CDH12: variants seen among roughly 807,000 people sequenced by gnomAD.
CDH12 encodes the protein cadherin 12.
In CDH12, 41 loss-of-function variants were observed where a neutral mutation model predicts 74.1. That is an observed-to-expected ratio of 0.55 (90% confidence interval 0.43 to 0.72). The LOEUF is 0.72. Among genes scored for constraint, CDH12 ranks in the 30% least tolerant of loss-of-function variants. The pLI, the probability that CDH12 is intolerant of heterozygous loss-of-function variation, is 0.00. For synonymous variants in CDH12, 399 were observed against 355.0 expected, an observed-to-expected ratio of 1.12 and a Z score of -1.39; for missense variants, 945 against 977.2, an observed-to-expected ratio of 0.97 and a Z score of 0.44.
At chr5:22,065,799 C>A (rs967291765) in intron 5 of CDH12, among the ~76,000 whole-genome samples, 1 of 152,064 alleles carries the variant, frequency 6.6e-6, no homozygotes, top group Non-Finnish European at 1.5e-5. Flanking sequence ...CTTGTTGTAG[C>A]GATCAATGGC....
chr5:22,171,896 C>T (rs936595399), intron 4 of CDH12, among the ~76,000 whole-genome samples: 2 of 151,734 alleles, frequency 1.3e-5, no homozygotes, highest in African/African-American at 4.8e-5. Context: ...CAGGAAGATC[C>T]CCTAGGGAAA....
intron 1 of CDH12, among the ~76,000 whole-genome samples, chr5:22,623,231 C>T (rs983537871): frequency 1.7e-4 from 26 of 152,136 alleles, no homozygotes; most frequent in African/African-American, 5.8e-4. Flanking sequence ...TGGGCAAAAA[C>T]TGGAAGCATT....
chr5:21,975,817 T>C (rs1757050715), intron 5 of CDH12, among the ~76,000 whole-genome samples: 1 of 152,136 alleles, frequency 6.6e-6, no homozygotes, highest in African/African-American at 2.4e-5. Context: ...AGTTCTTCTG[T>C]ATCCCTTTGG....
intron 2 of CDH12, among the ~76,000 whole-genome samples, chr5:22,494,044 A>T (rs1746999893): frequency 6.6e-6 from 1 of 152,146 alleles, no homozygotes; most frequent in South Asian, 2.1e-4. Flanking sequence ...AAACCCCCAC[A>T]AATTGGGAGG....
At chr5:22,261,491 A>G (rs189935632) in intron 3 of CDH12, among the ~76,000 whole-genome samples, 1 of 152,168 alleles carries the variant, frequency 6.6e-6, no homozygotes, top group African/African-American at 2.4e-5. Context: ...CAGCATTTTC[A>G]TAATAAAAAC....
chr5:21,928,237 G>C (rs1295793864), intron 6 of CDH12, among the ~76,000 whole-genome samples: 2 of 151,876 alleles, frequency 1.3e-5, no homozygotes, highest in African/African-American at 4.8e-5. Flanking sequence ...CGGGCTTCAA[G>C]GTAAAGTTTC....
At chr5:21,975,755 CT>C (rs1446649527) in intron 5 of CDH12, among the ~76,000 whole-genome samples, 1 of 152,002 alleles carries the variant, frequency 6.6e-6, no homozygotes, top group Non-Finnish European at 1.5e-5. Context: ...AAAGTACAAC[CT>C]CAGATATAGC....
At chr5:21,848,686 G>C (rs1208147403) in intron 7 of CDH12, among the ~76,000 whole-genome samples, 3 of 151,888 alleles carry the variant, frequency 2.0e-5, no homozygotes, top group Non-Finnish European at 4.4e-5. Flanking sequence ...TCTTCAGTAA[G>C]AAATTTAGGG....
intron 6 of CDH12, among the ~76,000 whole-genome samples, chr5:21,917,470 C>T (rs1754153614): frequency 6.6e-6 from 1 of 152,210 alleles, no homozygotes; most frequent in Admixed American, 6.5e-5. Context: ...TTGACAATTT[C>T]AAGATGTTTC....
At chr5:22,677,117 A>T (rs1741236147) in intron 1 of CDH12, among the ~76,000 whole-genome samples, 1 of 152,152 alleles carries the variant, frequency 6.6e-6, no homozygotes, top group African/African-American at 2.4e-5. Flanking sequence ...AGCACAAATT[A>T]GATTGGATGA....
chr5:22,770,638 G>A (rs1465637975), intron 1 of CDH12, among the ~76,000 whole-genome samples: 1 of 152,028 alleles, frequency 6.6e-6, no homozygotes, highest in South Asian at 2.1e-4. Flanking sequence ...ATACCTATGA[G>A]GTGCAATTAA....
intron 2 of CDH12, among the ~76,000 whole-genome samples, chr5:22,409,798 C>A (rs1297950017): frequency 6.6e-6 from 1 of 152,046 alleles, no homozygotes; most frequent in Non-Finnish European, 1.5e-5. Context: ...ACCACTCCTA[C>A]CCCATGACTA....
chr5:22,720,783 G>A (rs1168900765), intron 1 of CDH12, among the ~76,000 whole-genome samples: 1 of 152,142 alleles, frequency 6.6e-6, no homozygotes, highest in Non-Finnish European at 1.5e-5. Context: ...GAACTCATTG[G>A]GAAGTGGAAC....
At chr5:21,839,313 A>G (rs911447938) in intron 8 of CDH12, among the ~76,000 whole-genome samples, 3 of 152,180 alleles carry the variant, frequency 2.0e-5, no homozygotes, top group African/African-American at 7.2e-5. Context: ...TAATCATAGC[A>G]TATTATATAG....
intron 10 of CDH12, among the ~76,000 whole-genome samples, chr5:21,785,107 A>C (rs1210511213): frequency 6.6e-6 from 1 of 152,168 alleles, no homozygotes; most frequent in Non-Finnish European, 1.5e-5. Flanking sequence ...AGGGTGATCT[A>C]TGAACAGTGA....
chr5:22,000,515 G>T (rs1244679658), intron 5 of CDH12, among the ~76,000 whole-genome samples: 17 of 152,102 alleles, frequency 1.1e-4, no homozygotes. Context: ...TAAGCAAGGG[G>T]TGGGACTCAA....
At chr5:22,401,426 C>T (rs1443557288) in intron 3 of CDH12, among the ~76,000 whole-genome samples, 1 of 152,016 alleles carries the variant, frequency 6.6e-6, no homozygotes, top group Non-Finnish European at 1.5e-5. Flanking sequence ...ATGTTTTATA[C>T]CATGTATTTT....
At chr5:21,964,158 T>C (rs1313745058) in intron 6 of CDH12, among the ~76,000 whole-genome samples, 1 of 151,876 alleles carries the variant, frequency 6.6e-6, no homozygotes, top group Non-Finnish European at 1.5e-5. Context: ...ATTATAAGAA[T>C]AAGAATGAGG....
intron 1 of CDH12, among the ~76,000 whole-genome samples, chr5:22,821,517 G>A (rs895556577): frequency 1.3e-5 from 2 of 152,164 alleles, no homozygotes; most frequent in African/African-American, 4.8e-5. Context: ...TCCTTTAGCT[G>A]ATAAGCAACT....
Sources: gnomAD v4.1 joint callset for allele counts (sites outside exome capture counted in the v4.1 genomes callset) on GRCh38, gnomAD v4.1.1 for gene constraint, MANE v1.5 for transcripts, NCBI Gene and HGNC (gene_info 2026-07-23, HGNC 2026-07-21) for gene names.